DGKI: variants seen among roughly 807,000 people sequenced by gnomAD.
DGKI encodes diacylglycerol kinase iota, also known as DAG kinase iota.
A neutral mutation model predicts 147.5 loss-of-function variants in DGKI; 55 were observed. The ratio of observed to expected loss-of-function variants is 0.37; its 90% CI spans 0.30 to 0.47. DGKI has a LOEUF of 0.47. Ranked by LOEUF, DGKI falls within the 20% of genes least tolerant of loss-of-function variation. The probability of loss-of-function intolerance (pLI) is 1.00; values close to 1 mark genes in which losing one functional copy is unlikely to be tolerated. For synonymous variants in DGKI, 469 were observed against 477.1 expected, an observed-to-expected ratio of 0.98 and a Z score of 0.22; for missense variants, 1,007 against 1,323.8, an observed-to-expected ratio of 0.76 and a Z score of 3.71.
Position 137,386,878 on chromosome 7 carries a change from T to C in DGKI, c.*4342A>G, listed in dbSNP as rs1811190138. 6.6e-6 allele frequency: 1 copy of C among 152,148 alleles called. No individual in the cohort carries two copies. The highest frequency in any genetic ancestry group is 6.5e-5 in the Admixed American group (1 of 15,272). 9.4% of individuals were successfully genotyped at this position (152,148 alleles called of 1,614,324 possible). On this transcript the variant is annotated 3_prime_UTR_variant, in exon 33 of 33. Transcript: ENST00000614521. ...TGTTAAAGATTAATCAGAAAGCTAA[T>C]TTATTAGATGTTTTTCTACTTCTTT...
intron 1 of DGKI, among the ~76,000 whole-genome samples, chr7:137,825,163 C>CTA: frequency 6.6e-6 from 1 of 152,156 alleles, no homozygotes; most frequent in Middle Eastern, 3.2e-3. Flanking sequence ...TAACTATGAG[C>CTA]TATGCCTTAA....
At chr7:137,496,923 GCAA>G (rs926715698) in intron 21 of DGKI, among the ~76,000 whole-genome samples, 121 of 152,076 alleles carry the variant, frequency 8.0e-4, no homozygotes, top group African/African-American at 2.8e-3. Flanking sequence ...AAATGCCATT[GCAA>G]CAACAACAAA....
At chr7:137,682,604 C>A (rs927905689) in intron 2 of DGKI, among the ~76,000 whole-genome samples, 1 of 152,216 alleles carries the variant, frequency 6.6e-6, no homozygotes, top group African/African-American at 2.4e-5. Context: ...ACGTTTCTCT[C>A]CTTGGTCTTT....
chr7:137,729,011 T>C (rs190435157), intron 1 of DGKI, among the ~76,000 whole-genome samples: 2 of 152,268 alleles, frequency 1.3e-5, no homozygotes, highest in East Asian at 3.9e-4. Context: ...TAGTTAGTTC[T>C]CGTTCTCCAA....
intron 30 of DGKI, 143 bp downstream of exon 30, chr7:137,407,732 T>C (rs1476616741): frequency 9.4e-7 from 1 of 1,061,326 alleles, no homozygotes; most frequent in Admixed American, 2.2e-5. Flanking sequence ...CTGCCTCAAA[T>C]AAGCAGGGGC....
At chr7:137,807,077 A>G (rs1585516891) in intron 1 of DGKI, among the ~76,000 whole-genome samples, 1 of 152,176 alleles carries the variant, frequency 6.6e-6, no homozygotes, top group Non-Finnish European at 1.5e-5. Flanking sequence ...CTTGCCATAT[A>G]TGTCAGTGAT....
At chr7:137,630,633 T>C (rs1323785599) in intron 6 of DGKI, among the ~76,000 whole-genome samples, 1 of 152,244 alleles carries the variant, frequency 6.6e-6, no homozygotes, top group Non-Finnish European at 1.5e-5. Flanking sequence ...TAGACACCTA[T>C]AACAATGGCA....
In DGKI at chr7:137,587,114, T is replaced by C; in HGVS notation, c.1408A>G (p.Thr470Ala). Residue 470 changes from threonine to alanine, a missense_variant, in exon 13 of 33, where the codon ACT (threonine) becomes GCT (alanine). Thr to Ala is a moderately conservative substitution (Grantham distance 58, BLOSUM62 0). Coordinates refer to ENST00000614521, the MANE Select transcript of DGKI (RefSeq NM_001321708.2). The part of the protein sequence containing the change: ...PLGTGNDLAR[T>A]LNWGGGYTDE... ...GTTCTTACCCCTCCCCAGTTGAGAG[T>C]TCGAGCCAGGTCATTCCCAGTCCCC... 1 of 1,605,926 alleles carries C rather than the reference T, an allele frequency of 6.2e-7. No individual in the cohort carries two copies. The highest frequency in any genetic ancestry group is 8.5e-7 in the Non-Finnish European group (1 of 1,177,200).
rs574706315 is a variant in DGKI at position 137,558,023 on chromosome 7, A to C, written c.1948-5455T>G. ...CTCTTTTCAGTTCTTCTAGCATCCC[A>C]TAACTAGCCTCCTGTACTAAATAGC... On this transcript the variant is annotated intron_variant, in intron 19 of 32. Coordinates refer to ENST00000614521, the MANE Select transcript of DGKI (RefSeq NM_001321708.2). 2.7e-3 allele frequency among the ~76,000 whole-genome samples: 415 copies of C among 152,324 alleles called. 9 individuals are homozygous for C. The highest frequency in any genetic ancestry group is 6.6e-4 in the Non-Finnish European group (45 of 68,030).
chr7:137,453,951 A>G (rs558149137), intron 27 of DGKI, among the ~76,000 whole-genome samples: 3 of 148,322 alleles, frequency 2.0e-5, no homozygotes, highest in African/African-American at 7.5e-5. Flanking sequence ...ATAGATTCCT[A>G]TATTTAGATA....
intron 6 of DGKI, among the ~76,000 whole-genome samples, chr7:137,640,490 T>C (rs1821585620): frequency 6.6e-6 from 1 of 152,154 alleles, no homozygotes; most frequent in African/African-American, 2.4e-5. Flanking sequence ...TTGCTATAGC[T>C]GCACAAACAC....
At chr7:137,508,978 G>A (rs762722134) in intron 21 of DGKI, among the ~76,000 whole-genome samples, 3 of 152,070 alleles carry the variant, frequency 2.0e-5, no homozygotes, top group Non-Finnish European at 4.4e-5. Flanking sequence ...AAGGATGGTG[G>A]AAATAAGGAA....
At chr7:137,470,374 T>C (rs1814834475) in intron 23 of DGKI, among the ~76,000 whole-genome samples, 1 of 152,122 alleles carries the variant, frequency 6.6e-6, no homozygotes, top group Non-Finnish European at 1.5e-5. Context: ...CGGATAAAAA[T>C]AGTTCTCTTC....
chr7:137,472,155 A>T lies in DGKI; in HGVS notation c.2374-2536T>A, dbSNP rs1814939126. Among the ~76,000 whole-genome samples the T allele has an allele frequency of 3.3e-5, 4 of 122,060 alleles. No individual in the cohort carries two copies. The South Asian group carries it at 9.5e-4, about 29-fold the overall frequency. 80.1% of individuals were successfully genotyped at this position (122,060 alleles called of 152,430 possible). On this transcript the variant is annotated intron_variant, in intron 23 of 32. Coordinates refer to ENST00000614521, the MANE Select transcript of DGKI (RefSeq NM_001321708.2). ...CACATATATATGTGTATATACATAT[A>T]AATATTATATATACACATATATATG...
intron 5 of DGKI, among the ~76,000 whole-genome samples, chr7:137,649,879 C>T (rs1821964702): frequency 2.0e-5 from 3 of 151,496 alleles, no homozygotes; most frequent in African/African-American, 7.3e-5. Context: ...AAAGATTCAA[C>T]TTAGATGACT....
Position 137,587,225 on chromosome 7 carries a change from G to A in DGKI, c.1312-15C>T. On this transcript the variant is annotated splice_polypyrimidine_tract_variant and intron_variant, in intron 12 of 32. Transcript: ENST00000614521. The stretch of plus-strand genomic sequence containing the variant: ...ATCCAGCCCACCTACAGGCGTATCG[G>A]GGGCCAGAAGAGATATAAGAAAGAT... 1 of 1,579,578 alleles carries A rather than the reference G, an allele frequency of 6.3e-7. No homozygotes were observed. The highest frequency in any genetic ancestry group is 1.2e-5 in the South Asian group (1 of 86,408).
At chr7:137,399,009 T>A (rs1237603194) in intron 30 of DGKI, among the ~76,000 whole-genome samples, 2 of 151,704 alleles carry the variant, frequency 1.3e-5, no homozygotes, top group African/African-American at 2.4e-5. Flanking sequence ...TCCATTTTTT[T>A]TTTTTTCACA....
chr7:137,582,948 G>A (rs751881928), intron 14 of DGKI, among the ~76,000 whole-genome samples: 1 of 152,054 alleles, frequency 6.6e-6, no homozygotes, highest in African/African-American at 2.4e-5. Flanking sequence ...AACTGTACCT[G>A]TCTTCTCTGA....
chr7:137,654,669 T>A (rs1035993289), intron 5 of DGKI, 63 bp downstream of exon 5: 1 of 1,154,552 alleles, frequency 8.7e-7, no homozygotes, highest in Non-Finnish European at 1.3e-6. Flanking sequence ...TGAATATCTA[T>A]GAATCCACTG....
Sources: allele counts gnomAD v4.1 joint callset (sites outside exome capture counted in the v4.1 genomes callset), GRCh38; gene constraint gnomAD v4.1.1; transcripts MANE v1.5; gene names NCBI Gene and HGNC (gene_info 2026-07-23, HGNC 2026-07-21).